Variants in ABCB1 observed in about 807,000 individuals in gnomAD.
ABCB1 encodes the protein ATP-dependent translocase ABCB1.
A neutral mutation model predicts 142.0 loss-of-function variants in ABCB1; 69 were observed. That is an observed-to-expected ratio of 0.49 (90% confidence interval 0.40 to 0.59). The LOEUF is 0.59. Among genes scored for constraint, ABCB1 ranks in the 20% least tolerant of loss-of-function variants. ABCB1 has a pLI of 0.00. For missense variants in ABCB1, 1,326 were observed against 1,554.7 expected, an observed-to-expected ratio of 0.85 and a Z score of 2.47; for synonymous variants, 532 against 539.2, an observed-to-expected ratio of 0.99 and a Z score of 0.18.
At chr7:87,625,331 C>A (rs932538741) in intron 1 of ABCB1, among the ~76,000 whole-genome samples, 4 of 152,052 alleles carry the variant, frequency 2.6e-5, no homozygotes, top group Admixed American at 2.6e-4. Flanking sequence ...AGTTTTCAGT[C>A]ATAGTTCACA....
chr7:87,688,061 A>C (rs1004229531), intron 1 of ABCB1, among the ~76,000 whole-genome samples: 1 of 152,292 alleles, frequency 6.6e-6, no homozygotes, highest in Middle Eastern at 3.4e-3. Flanking sequence ...GAGATAAGAA[A>C]TTGGCTCTTA....
At chr7:87,695,482 G>A (rs2130666883) in intron 1 of ABCB1, among the ~76,000 whole-genome samples, 1 of 152,152 alleles carries the variant, frequency 6.6e-6, no homozygotes, top group Admixed American at 6.5e-5. Flanking sequence ...GAAAGCTTTT[G>A]CAGTGACATC....
At chr7:87,627,355 A>T (rs980116595) in intron 1 of ABCB1, among the ~76,000 whole-genome samples, 18 of 152,234 alleles carry the variant, frequency 1.2e-4, no homozygotes, top group African/African-American at 4.3e-4. Context: ...TAGAGGTGAA[A>T]GATACATGGA....
intron 21 of ABCB1, among the ~76,000 whole-genome samples, chr7:87,528,551 T>G (rs1815898919): frequency 6.6e-6 from 1 of 152,146 alleles, no homozygotes; most frequent in Non-Finnish European, 1.5e-5. Context: ...CCCGTGCTGT[T>G]CAAGGGTCAC....
chr7:87,632,713 T>C (rs1821348859), intron 1 of ABCB1, among the ~76,000 whole-genome samples: 1 of 152,202 alleles, frequency 6.6e-6, no homozygotes, highest in African/African-American at 2.4e-5. Context: ...TTTCTGTCCT[T>C]TATAAGCTTC....
At chr7:87,571,194 A>G (rs1047810501) in intron 4 of ABCB1, among the ~76,000 whole-genome samples, 1 of 152,204 alleles carries the variant, frequency 6.6e-6, no homozygotes, top group Non-Finnish European at 1.5e-5. Flanking sequence ...CAAAGTGAAC[A>G]ATATGGACAA....
chr7:87,606,988 T>C (rs1432128202), intron 1 of ABCB1, among the ~76,000 whole-genome samples: 1 of 152,144 alleles, frequency 6.6e-6, no homozygotes, highest in Non-Finnish European at 1.5e-5. Context: ...GAATTCCCAG[T>C]ATTTTTCATT....
chr7:87,585,171 C>T (rs1818685957), intron 4 of ABCB1, among the ~76,000 whole-genome samples: 1 of 152,200 alleles, frequency 6.6e-6, no homozygotes, highest in African/African-American at 2.4e-5. Context: ...GTCTTACACC[C>T]ATGTTCAATC....
At chr7:87,580,356 CT>C (rs995842588) in intron 4 of ABCB1, among the ~76,000 whole-genome samples, 35 of 152,186 alleles carry the variant, frequency 2.3e-4, no homozygotes, top group Non-Finnish European at 4.4e-4. Flanking sequence ...TCTTTCAGCA[CT>C]TTAAATATGT....
intron 7 of ABCB1, among the ~76,000 whole-genome samples, chr7:87,562,399 T>A (rs567956384): frequency 1.5e-4 from 23 of 151,974 alleles, no homozygotes; most frequent in Non-Finnish European, 3.4e-4. Flanking sequence ...CGGTAGGAGG[T>A]CTGAGATAGG....
At chr7:87,543,040 G>T (rs528490424) in intron 17 of ABCB1, among the ~76,000 whole-genome samples, 1 of 152,118 alleles carries the variant, frequency 6.6e-6, no homozygotes, top group East Asian at 1.9e-4. Flanking sequence ...AATTCTAGAG[G>T]CCAGGCATGG....
At chr7:87,634,941 G>A (rs1821614080) in intron 1 of ABCB1, among the ~76,000 whole-genome samples, 1 of 152,158 alleles carries the variant, frequency 6.6e-6, no homozygotes, top group Admixed American at 6.5e-5. Flanking sequence ...ACTAGTCCTA[G>A]AGTAGACATT....
chr7:87,522,297 G>A (rs1217937131), intron 21 of ABCB1: 2 of 789,950 alleles, frequency 2.5e-6, no homozygotes, highest in East Asian at 4.9e-5. Context: ...GGAAACTTTG[G>A]AGGCAGAAGC....
At chr7:87,580,586 A>T (rs1302532529) in intron 4 of ABCB1, among the ~76,000 whole-genome samples, 1 of 152,084 alleles carries the variant, frequency 6.6e-6, no homozygotes, top group East Asian at 1.9e-4. Context: ...TTGAATACTG[A>T]TATCTTTCTT....
chr7:87,693,907 G>T, intron 1 of ABCB1: 1 of 1,607,048 alleles, frequency 6.2e-7, no homozygotes, highest in Non-Finnish European at 8.5e-7. Flanking sequence ...TTTTTTTAAA[G>T]AGATTTCCCA....
chr7:87,508,967 G>A (rs1423358494), intron 26 of ABCB1, among the ~76,000 whole-genome samples: 1 of 152,140 alleles, frequency 6.6e-6, no homozygotes, highest in African/African-American at 2.4e-5. Flanking sequence ...TGACAAAGGT[G>A]GAGCCTCAAG....
chr7:87,564,110 C>T (rs762303140), intron 7 of ABCB1: 7 of 449,704 alleles, frequency 1.6e-5, no homozygotes, highest in Non-Finnish European at 2.7e-5. Context: ...TAACAAATGC[C>T]CATGACACAA....
intron 1 of ABCB1, among the ~76,000 whole-genome samples, chr7:87,687,958 G>T (rs554739454): frequency 2.2e-4 from 34 of 152,168 alleles, no homozygotes; most frequent in African/African-American, 7.0e-4. Context: ...TCCAACTTTT[G>T]TTGGAAAATG....
At chr7:87,539,120 G>T in intron 19 of ABCB1, 148 bp downstream of exon 19, 1 of 816,966 alleles carries the variant, frequency 1.2e-6, no homozygotes, top group Non-Finnish European at 2.0e-6. Context: ...CCTAGTGGGC[G>T]GTTCAACCGC....
Sources: allele counts gnomAD v4.1 joint callset (sites outside exome capture counted in the v4.1 genomes callset), GRCh38; gene constraint gnomAD v4.1.1; transcripts MANE v1.5; gene names NCBI Gene and HGNC (gene_info 2026-07-23, HGNC 2026-07-21).